The following MGAT4A variants were observed in gnomAD, a reference collection of about 807,000 sequenced individuals.
MGAT4A encodes alpha-1,3-mannosyl-glycoprotein 4-beta-N-acetylglucosaminyltransferase A.
A neutral mutation model predicts 74.1 loss-of-function variants in MGAT4A; 33 were observed. The observed-to-expected ratio is 0.45, with a 90% CI of 0.34 to 0.60. The LOEUF (loss-of-function observed/expected upper bound fraction) is 0.60. Ranked by LOEUF, MGAT4A falls within the 20% of genes least tolerant of loss-of-function variation. MGAT4A has a pLI of 0.02. For missense variants in MGAT4A, 479 were observed against 628.3 expected (o/e 0.76, Z 2.54); for synonymous variants, 198 against 210.4 (o/e 0.94, Z 0.51).
intron 2 of MGAT4A, among the ~76,000 whole-genome samples, chr2:98,681,901 T>C (rs1255385328): frequency 6.6e-6 from 1 of 152,034 alleles, no homozygotes; most frequent in African/African-American, 2.4e-5. Flanking sequence ...ACAGGACTTC[T>C]CCAAAGGGCA....
intron 9 of MGAT4A, 129 bp downstream of exon 9, chr2:98,645,297 CTT>C: frequency 1.7e-6 from 1 of 606,050 alleles, no homozygotes; most frequent in Non-Finnish European, 2.8e-6. Context: ...GTTTACCTAA[CTT>C]AAGTTTTCTC....
Position 98,622,585 on chromosome 2 carries a change from A to C in MGAT4A, c.*2981T>G. ...ATCTTCTGCCCTCACACTGCTCTTA[A>C]GGGCGACCACTACAATTTCCTGCTT... On this transcript the variant is annotated 3_prime_UTR_variant, in exon 16 of 16. Coordinates refer to ENST00000393487, the MANE Select transcript of MGAT4A (RefSeq NM_012214.3). 2 of 985,424 alleles carry C rather than the reference A, an allele frequency of 2.0e-6. No homozygotes were observed. Among genetic ancestry groups the C allele is most frequent in the Non-Finnish European group, 2.4e-6 (2 of 829,968 alleles). The allele number at this position is 985,424 out of a possible 1,614,324, so 61.0% of individuals were successfully genotyped here.
chr2:98,633,032 A>G (rs1701265147), intron 14 of MGAT4A, among the ~76,000 whole-genome samples: 1 of 152,260 alleles, frequency 6.6e-6, no homozygotes. Flanking sequence ...TGCTGAGATT[A>G]CAGGCATGAG....
chr2:98,704,683 T>C lies in MGAT4A; in HGVS notation c.94+21556A>G, dbSNP rs915081107. On this transcript the variant is annotated intron_variant, in intron 2 of 15. Transcript: ENST00000393487. ...TACTTGGGAGGCTAAGGTGGGAGGA[T>C]GGCTTGAGCCCAGGAGGCAGAGGTT... 6.6e-5 allele frequency among the ~76,000 whole-genome samples: 10 copies of C among 151,766 alleles called. No homozygotes were observed. The South Asian group carries it at 2.1e-3, about 32-fold the overall frequency.
intron 1 of MGAT4A, among the ~76,000 whole-genome samples, chr2:98,730,741 C>G (rs1305240757): frequency 6.7e-6 from 1 of 150,230 alleles, no homozygotes. Context: ...GGGCGCGCGA[C>G]CCCGAGGGGT....
At chr2:98,682,446 A>AAC (rs1702074355) in intron 2 of MGAT4A, among the ~76,000 whole-genome samples, 1 of 150,932 alleles carries the variant, frequency 6.6e-6, no homozygotes, top group Non-Finnish European at 1.5e-5. Context: ...AAAAAAAAAA[A>AAC]ACCACCACTT....
intron 2 of MGAT4A, among the ~76,000 whole-genome samples, chr2:98,702,858 C>T (rs1402328151): frequency 6.6e-6 from 1 of 152,204 alleles, no homozygotes; most frequent in African/African-American, 2.4e-5. Context: ...GAGATTTAGT[C>T]CAGTCCAGTT....
rs1026456105 is a variant in MGAT4A, at chr2:98,730,835, C to T, written c.-236+213G>A. Among the ~76,000 whole-genome samples the T allele has an allele frequency of 3.4e-3, 493 of 147,048 alleles. 2 individuals carry two copies. The highest frequency in any genetic ancestry group is 0.012 in the African/African-American group (471 of 40,764). The stretch of plus-strand genomic sequence containing the variant: ...CCCGAGGCCCAGCCGCTCCCGGAGC[C>T]GGCCCCGCGCCCAGAGGCGCCAACA... On this transcript the variant is annotated intron_variant, in intron 1 of 15. Transcript: ENST00000393487.
At chr2:98,696,742 G>C (rs949589244) in intron 2 of MGAT4A, among the ~76,000 whole-genome samples, 2 of 152,152 alleles carry the variant, frequency 1.3e-5, no homozygotes, top group Non-Finnish European at 2.9e-5. Context: ...AGTCCCAAAA[G>C]AGCCTTGTAA....
chr2:98,649,750 A>C (rs537057232), intron 8 of MGAT4A, among the ~76,000 whole-genome samples: 1 of 152,274 alleles, frequency 6.6e-6, no homozygotes, highest in East Asian at 1.9e-4. Context: ...AAAGGCTCAA[A>C]GGGCTCCAGA....
At chr2:98,679,718 C>T (rs1033803153) in intron 2 of MGAT4A, among the ~76,000 whole-genome samples, 7 of 152,060 alleles carry the variant, frequency 4.6e-5, no homozygotes, top group Admixed American at 1.3e-4. Flanking sequence ...GAGAGAATCA[C>T]GCGTCAAAAA....
chr2:98,690,919 C>CA (rs1271050414), intron 2 of MGAT4A, among the ~76,000 whole-genome samples: 1 of 152,114 alleles, frequency 6.6e-6, no homozygotes, highest in Non-Finnish European at 1.5e-5. Flanking sequence ...AAGACAACAG[C>CA]AATTGCCCAA....
intron 7 of MGAT4A, 51 bp from the exon 8 acceptor site, chr2:98,655,571 T>G: frequency 8.0e-7 from 1 of 1,248,932 alleles, no homozygotes; most frequent in Admixed American, 1.9e-5. Context: ...TCAAATTTAG[T>G]AAAATAAGAT....
rs1325840359 is a variant in MGAT4A, at chr2:98,622,816, T to C, written c.*2750A>G. ...CAATCAAAAACTAGACAACCGATTG[T>C]GTATGCAAGAGTATGGCAACGACAG... On this transcript the variant is annotated 3_prime_UTR_variant, in exon 16 of 16. Coordinates refer to ENST00000393487, the MANE Select transcript of MGAT4A (RefSeq NM_012214.3). The C allele has an allele frequency of 5.1e-6, 5 of 985,342 alleles. No homozygotes were observed. Among genetic ancestry groups the C allele is most frequent in the African/African-American group, 1.7e-5 (1 of 57,168 alleles). The allele number at this position is 985,342 out of a possible 1,614,324, so 61.0% of individuals were successfully genotyped here. A position where few individuals can be genotyped will look rare whatever the true frequency, so the allele number is the denominator to read the frequency against.
At chr2:98,645,396 T>G in intron 9 of MGAT4A, 32 bp downstream of exon 9, 1 of 1,425,322 alleles carries the variant, frequency 7.0e-7, no homozygotes, top group Non-Finnish European at 9.5e-7. Flanking sequence ...CAGTTATTTA[T>G]GAAAAGTAGG....
At chr2:98,635,407 A>T in intron 13 of MGAT4A, 119 bp from the exon 14 acceptor site, 1 of 659,782 alleles carries the variant, frequency 1.5e-6, no homozygotes, top group Non-Finnish European at 2.5e-6. Flanking sequence ...AAAAAGAGAA[A>T]TATCATCTCA....
chr2:98,629,367 T>A (rs1701194487), intron 14 of MGAT4A, among the ~76,000 whole-genome samples: 1 of 152,208 alleles, frequency 6.6e-6, no homozygotes, highest in Non-Finnish European at 1.5e-5. Context: ...AATAAACTTA[T>A]TTCATAGAAG....
rs1360096362 is a variant in MGAT4A, at chr2:98,622,552, C to T, written c.*3014G>A. 2 of 985,350 alleles carry T rather than the reference C, an allele frequency of 2.0e-6. No homozygotes were observed. Among genetic ancestry groups the T allele is most frequent in the African/African-American group, 1.7e-5 (1 of 57,246 alleles). 61.0% of individuals were successfully genotyped at this position (985,350 alleles called of 1,614,324 possible). A position where few individuals can be genotyped will look rare whatever the true frequency, so the allele number is the denominator to read the frequency against. On this transcript the variant is annotated 3_prime_UTR_variant, in exon 16 of 16. Transcript: ENST00000393487. Reference sequence around the variant, plus strand: ...TCTTCCAGTTCCAGGGACTCTTCCCCTCCCTTAATCTTCTGCCCTCACACT... The same window carrying T: ...TCTTCCAGTTCCAGGGACTCTTCCCTTCCCTTAATCTTCTGCCCTCACACT...
rs377113048 is a variant in MGAT4A at position 98,678,513 on chromosome 2, C to T, written c.95-42G>A. The stretch of plus-strand genomic sequence containing the variant: ...AACAGTTATAGTATATGTCTTAAAA[C>T]AAATAAACAATATAATCTCAATGGA... On this transcript the variant is annotated intron_variant, in intron 2 of 15. Transcript: ENST00000393487. The T allele has an allele frequency of 1.5e-4, 188 of 1,288,214 alleles. 1 individual carries two copies. Among genetic ancestry groups the T allele is most frequent in the South Asian group, 4.8e-4 (26 of 53,910 alleles). The allele number at this position is 1,288,214 out of a possible 1,614,324, so 79.8% of individuals were successfully genotyped here.
Sources: allele counts gnomAD v4.1 joint callset (sites outside exome capture counted in the v4.1 genomes callset), GRCh38; gene constraint gnomAD v4.1.1; transcripts MANE v1.5; gene names NCBI Gene and HGNC (gene_info 2026-07-23, HGNC 2026-07-21).